SNTG1: variants seen among roughly 807,000 people sequenced by gnomAD.
SNTG1 encodes the protein syntrophin gamma 1, also known as gamma-1-syntrophin.
SNTG1 carries 39 observed loss-of-function variants against 74.7 expected under a neutral mutation model. The observed-to-expected ratio is 0.52, with a 90% CI of 0.40 to 0.68. The LOEUF (loss-of-function observed/expected upper bound fraction) is 0.68, where lower values mean the gene tolerates loss of function less well. Ranked by LOEUF, SNTG1 falls within the 30% of genes least tolerant of loss-of-function variation. The pLI is 0.00. For missense variants in SNTG1, 685 were observed against 609.5 expected, an observed-to-expected ratio of 1.12 and a Z score of -1.30; for synonymous variants, 254 against 217.1, an observed-to-expected ratio of 1.17 and a Z score of -1.49.
At chr8:50,756,177 A>G (rs1290680430) in intron 18 of SNTG1, among the ~76,000 whole-genome samples, 1 of 151,788 alleles carries the variant, frequency 6.6e-6, no homozygotes, top group African/African-American at 2.4e-5. Flanking sequence ...TGTTGTCTGC[A>G]AATATTTTTG....
At chr8:50,361,337 A>T (rs2091951225) in intron 2 of SNTG1, among the ~76,000 whole-genome samples, 1 of 152,148 alleles carries the variant, frequency 6.6e-6, no homozygotes. Flanking sequence ...CTCTGGAAGG[A>T]TGTGCCTGAA....
At chr8:50,779,942 C>G (rs2095653800) in intron 18 of SNTG1, among the ~76,000 whole-genome samples, 1 of 151,874 alleles carries the variant, frequency 6.6e-6, no homozygotes, top group African/African-American at 2.4e-5. Context: ...AAGGCCTTTT[C>G]TGCATCTATT....
chr8:50,539,676 T>A (rs1421452297), intron 11 of SNTG1, among the ~76,000 whole-genome samples: 1 of 152,050 alleles, frequency 6.6e-6, no homozygotes, highest in Non-Finnish European at 1.5e-5. Flanking sequence ...TTGCTGCAGG[T>A]GAGTATGAAG....
chr8:50,276,969 A>G (rs1029538635), intron 2 of SNTG1, among the ~76,000 whole-genome samples: 3 of 152,008 alleles, frequency 2.0e-5, no homozygotes, highest in Non-Finnish European at 2.9e-5. Context: ...AGCTGAGACT[A>G]CAGGCACCCA....
At chr8:50,013,495 ATAG>A (rs1816022964) in intron 1 of SNTG1, among the ~76,000 whole-genome samples, 1 of 151,864 alleles carries the variant, frequency 6.6e-6, no homozygotes, top group African/African-American at 2.4e-5. Context: ...AGATAGATAG[ATAG>A]ATAGATAGAG....
intron 1 of SNTG1, among the ~76,000 whole-genome samples, chr8:50,152,749 G>C (rs1241016954): frequency 3.3e-5 from 5 of 152,106 alleles, no homozygotes; most frequent in Admixed American, 2.0e-4. Context: ...CTCTCTTCTG[G>C]CTTGTAGTTT....
Position 50,777,673 on chromosome 8 carries a change from T to C in SNTG1, c.1396-14998T>C, listed in dbSNP as rs200525011. 2.7e-4 allele frequency among the ~76,000 whole-genome samples: 41 copies of C among 151,680 alleles called. No homozygotes were observed. In the East Asian group the frequency reaches 5.8e-3, roughly 22 times the overall value. On this transcript the variant is annotated intron_variant, in intron 18 of 18. Transcript: ENST00000642720. Reference sequence around the variant, plus strand: ...TCCATTCAGTGTGAGTTTTCTTTTTTTCTCTCTCTCTCTTTTTTTTAATTT... The same window carrying C: ...TCCATTCAGTGTGAGTTTTCTTTTTCTCTCTCTCTCTCTTTTTTTTAATTT...
chr8:50,469,742 G>A (rs1477844836), intron 8 of SNTG1, among the ~76,000 whole-genome samples: 2 of 152,146 alleles, frequency 1.3e-5, no homozygotes, highest in African/African-American at 4.8e-5. Context: ...ACTTTAGGAG[G>A]CCAAGATGGT....
intron 2 of SNTG1, among the ~76,000 whole-genome samples, chr8:50,372,893 T>A (rs535214361): frequency 1.3e-5 from 2 of 152,146 alleles, no homozygotes; most frequent in African/African-American, 2.4e-5. Flanking sequence ...CATTTTGAAC[T>A]GAAGAGTTTC....
intron 1 of SNTG1, among the ~76,000 whole-genome samples, chr8:50,057,898 A>G (rs997424447): frequency 2.6e-5 from 4 of 152,140 alleles, no homozygotes; most frequent in African/African-American, 9.7e-5. Context: ...CAGTTTTTGA[A>G]TGATATGTTT....
chr8:50,058,221 G>A (rs1820188314), intron 1 of SNTG1, among the ~76,000 whole-genome samples: 1 of 151,974 alleles, frequency 6.6e-6, no homozygotes, highest in African/African-American at 2.4e-5. Flanking sequence ...CATGATCTAT[G>A]GAATAGATAA....
intron 13 of SNTG1, among the ~76,000 whole-genome samples, chr8:50,656,598 T>C (rs1044390414): frequency 3.3e-5 from 5 of 152,162 alleles, no homozygotes; most frequent in Admixed American, 1.3e-4. Flanking sequence ...CTATTATAAA[T>C]AAGTATTTTT....
rs747427802 is a variant in SNTG1, at chr8:50,530,154, T to C, written c.467-23T>C. 5 of 1,605,578 alleles carry C rather than the reference T, an allele frequency of 3.1e-6. No individual in the cohort carries two copies. In the East Asian group the frequency reaches 8.9e-5, roughly 29 times the overall value. ...GGTTATGGCATTCTCACCAGTGGAA[T>C]GTTATGATTTTGTCTCCTGCAGGTG... On this transcript the variant is annotated intron_variant, in intron 9 of 18. Coordinates refer to ENST00000642720, the MANE Select transcript of SNTG1 (RefSeq NM_018967.5).
chr8:50,792,881 T>C lies in SNTG1; in HGVS notation c.*52T>C. On this transcript the variant is annotated 3_prime_UTR_variant, in exon 19 of 19. Transcript: ENST00000642720. ...CCATGACTGTATAAGCAGGACACAT[T>C]TACTCATCATTTTAGACCCTAGAGA... The C allele has an allele frequency of 1.3e-6, 2 of 1,515,242 alleles. No individual in the cohort carries two copies. Among genetic ancestry groups the C allele is most frequent in the Non-Finnish European group, 8.9e-7 (1 of 1,126,786 alleles). 93.9% of individuals were successfully genotyped at this position (1,515,242 alleles called of 1,614,324 possible). A position where few individuals can be genotyped will look rare whatever the true frequency, so the allele number is the denominator to read the frequency against.
In SNTG1 at chr8:50,096,253, A is replaced by AGGAT. The variant is rs1468201143; in HGVS notation, c.-102-76308_-102-76307insGGAT. Among the ~76,000 whole-genome samples the AGGAT allele has an allele frequency of 1.5e-3, 224 of 152,290 alleles. 1 individual carries two copies. Among genetic ancestry groups the AGGAT allele is most frequent in the Non-Finnish European group, 2.5e-3 (167 of 68,028 alleles). ...GAATTTGAGGATTAGGTGAAAGGGG[A>AGGAT]TAGATAAACAATAACGTAATACAAT... On this transcript the variant is annotated intron_variant, in intron 1 of 18. Coordinates refer to ENST00000642720, the MANE Select transcript of SNTG1 (RefSeq NM_018967.5).
intron 17 of SNTG1, among the ~76,000 whole-genome samples, chr8:50,719,497 T>G (rs949795056): frequency 6.6e-6 from 1 of 152,222 alleles, no homozygotes; most frequent in Non-Finnish European, 1.5e-5. Flanking sequence ...GTTTCTATGT[T>G]ATTCAGTCCT....
intron 1 of SNTG1, among the ~76,000 whole-genome samples, chr8:50,153,168 CT>C (rs2082130958): frequency 6.6e-6 from 1 of 152,178 alleles, no homozygotes; most frequent in Non-Finnish European, 1.5e-5. Flanking sequence ...TCTTCAATCA[CT>C]GATACCCTTT....
intron 1 of SNTG1, among the ~76,000 whole-genome samples, chr8:49,953,307 C>T (rs894068749): frequency 2.0e-5 from 3 of 152,212 alleles, no homozygotes; most frequent in Non-Finnish European, 2.9e-5. Context: ...CTTCAGTCTT[C>T]TCTCCAGGGA....
At chr8:50,283,476 A>G (rs1019856049) in intron 2 of SNTG1, among the ~76,000 whole-genome samples, 2 of 152,226 alleles carry the variant, frequency 1.3e-5, no homozygotes, top group African/African-American at 4.8e-5. Flanking sequence ...TGTACATTAT[A>G]ATGCAATTGA....
Sources: gnomAD v4.1 joint callset for allele counts (sites outside exome capture counted in the v4.1 genomes callset) on GRCh38, gnomAD v4.1.1 for gene constraint, MANE v1.5 for transcripts, NCBI Gene and HGNC (gene_info 2026-07-23, HGNC 2026-07-21) for gene names.